Variants in TTN observed in about 807,000 individuals in gnomAD.
TTN encodes connectin.
A neutral mutation model predicts 3,223.0 loss-of-function variants in TTN; 1,525 were observed. The observed-to-expected ratio is 0.47, with a 90% CI of 0.45 to 0.49. The LOEUF is 0.49. TTN is among the 20% of genes least tolerant of loss of function. The pLI, the probability that TTN is intolerant of heterozygous loss-of-function variation, is 0.00. For missense variants in TTN, 40,786 were observed against 43,424.0 expected (o/e 0.94, Z 5.40); for synonymous variants, 14,094 against 15,161.0 (o/e 0.93, Z 5.17).
At chr2:178,735,099 A>C in intron 50 of TTN, 111 bp from the exon 51 acceptor site, 16 of 1,230,462 alleles carry the variant, frequency 1.3e-5, no homozygotes, top group Non-Finnish European at 1.7e-5. Context: ...AAATATCTCC[A>C]CAAAATTTCT....
rs767722495 is a variant in TTN, at chr2:178,559,349, C to T, written c.86783G>A (p.Gly28928Asp). Residue 28928 changes from glycine to aspartate, a missense_variant, in exon 326 of 363, where the codon GGT becomes GAT. Gly to Asp is a moderately conservative substitution (Grantham distance 94, BLOSUM62 -1). Transcript: ENST00000589042. Reference protein sequence around the residue: ...RVSGENEFGVGIPAETKEGVK... With the variant: ...RVSGENEFGVDIPAETKEGVK... ...TCCTTCCTTTGTTTCAGCTGGTATA[C>T]CAACACCAAACTCATTTTCTCCAGA... The T allele has an allele frequency of 4.3e-6, 7 of 1,611,268 alleles. No homozygotes were observed. The highest frequency in any genetic ancestry group is 5.9e-6 in the Non-Finnish European group (7 of 1,178,232).
intron 288 of TTN, 64 bp downstream of exon 288, chr2:178,600,790 A>C (rs1245950271): frequency 2.5e-6 from 4 of 1,587,622 alleles, no homozygotes; most frequent in Non-Finnish European, 3.5e-6. Flanking sequence ...ATTGTGAACT[A>C]TTATTGAACA....
intron 109 of TTN, 62 bp downstream of exon 109, chr2:178,701,978 T>A: frequency 3.3e-6 from 5 of 1,537,242 alleles, no homozygotes; most frequent in Non-Finnish European, 4.4e-6. Flanking sequence ...TTGGCTTCTG[T>A]GATTTACAAA....
intron 236 of TTN, 92 bp downstream of exon 236, chr2:178,632,055 T>G: frequency 1.0e-5 from 14 of 1,370,866 alleles, no homozygotes; most frequent in Non-Finnish European, 1.3e-5. Context: ...TTTCATGCAA[T>G]ATAACACTTA....
In TTN at chr2:178,635,718, A is replaced by G. The variant is rs1189317853; in HGVS notation, c.41609-3T>C. The stretch of plus-strand genomic sequence containing the variant: ...CACCAGCCAATCTCTAATGACTTCT[A>G]TATGAAAATAAGATCAGAAAAAATG... On this transcript the variant is annotated splice_region_variant and splice_polypyrimidine_tract_variant and intron_variant, in intron 226 of 362. Transcript: ENST00000589042. 2 of 1,589,770 alleles carry G rather than the reference A, an allele frequency of 1.3e-6. No homozygotes were observed. Among genetic ancestry groups the G allele is most frequent in the South Asian group, 1.2e-5 (1 of 86,506 alleles).
At position 178,723,908 on chromosome 2, in the gene TTN, C is replaced by T. The variant is rs757641301; in HGVS notation, c.21351G>A (p.Val7117=). 6.2e-7 allele frequency: 1 copy of T among 1,613,404 alleles called. No homozygotes were observed. The highest frequency in any genetic ancestry group is 1.7e-4 in the Middle Eastern group (1 of 6,048). ...CATCAGACCCAGCGACATTAGCAGC[C>T]ACGCATGTGTAATTGCCCATATCTG... The part of the protein sequence containing the change: ...DSSDMGNYTC[V]AANVAGSDEC... The change falls in exon 73 of 363, where the codon GTG becomes GTA. Residue 7117 remains valine, a synonymous_variant. Coordinates refer to ENST00000589042, the MANE Select transcript of TTN (RefSeq NM_001267550.2).
chr2:178,791,967 A>C, intron 10 of TTN, 105 bp downstream of exon 10: 2 of 1,273,808 alleles, frequency 1.6e-6, no homozygotes, highest in South Asian at 2.7e-5. Flanking sequence ...AAAAATATAC[A>C]ACCAAAGACT....
At position 178,543,517 on chromosome 2, in the gene TTN, G is replaced by C; in HGVS notation, c.96456C>G (p.Phe32152Leu). The change falls in exon 347 of 363, where the codon TTC becomes TTG. Residue 32152 changes from phenylalanine (F) to leucine (L), a missense_variant. By Grantham distance (22) the Phe-to-Leu change is conservative. Coordinates refer to ENST00000589042, the MANE Select transcript of TTN (RefSeq NM_001267550.2). ...TGCTGCATTTGGTAGTTACTGTTTT[G>C]AATGCTCTCATAGCAGCTTCACGCT... is the stretch of plus-strand genomic sequence containing the variant. The part of the protein sequence containing the change: ...VEKREAAMRA[F>L]KTVTTKCSKT... The C allele has an allele frequency of 6.2e-7, 1 of 1,613,442 alleles. No homozygotes were observed. Among genetic ancestry groups the C allele is most frequent in the Non-Finnish European group, 8.5e-7 (1 of 1,179,714 alleles).
In TTN at chr2:178,790,845, T is replaced by C. The variant is rs2093450030; in HGVS notation, c.1663A>G (p.Ile555Val). 2 of 1,614,084 alleles carry C rather than the reference T, an allele frequency of 1.2e-6. No individual in the cohort carries two copies. The highest frequency in any genetic ancestry group is 1.7e-6 in the Non-Finnish European group (2 of 1,179,974). Residue 555 changes from isoleucine (I) to valine (V), a missense_variant and splice_region_variant, in exon 11 of 363, where the codon ATA becomes GTA. Transcript: ENST00000589042. The stretch of plus-strand genomic sequence containing the variant: ...GCAGTTATCTCAGTTTCCTGTCTTA[T>C]CTGATGTTTAGAGTAAAATAAAGAT... ...KKQKQVTQEAIRQETEITAAS... is the reference protein window; with the variant it reads ...KKQKQVTQEAVRQETEITAAS...
intron 278 of TTN, among the ~76,000 whole-genome samples, chr2:178,606,706 C>G (rs1017210700): frequency 6.6e-6 from 1 of 151,800 alleles, no homozygotes; most frequent in Non-Finnish European, 1.5e-5. Context: ...TTTAAAAACC[C>G]GACTTCCAAT....
chr2:178,611,519 A>G lies in TTN; in HGVS notation c.50710T>C (p.Ser16904Pro). ...AATTTCAAGTCCTTTATTGGGCGAGAATTAACTCTCATCCATTTCTCAGTG... is the reference window on the plus strand; with the variant it reads ...AATTTCAAGTCCTTTATTGGGCGAGGATTAACTCTCATCCATTTCTCAGTG... ...VGTEKWMRVN[S>P]RPIKDLKFKV... The change falls in exon 269 of 363, where the codon TCT becomes CCT. Residue 16904 changes from serine (S) to proline (P), a missense_variant. Physicochemically the swap from Ser to Pro is moderately conservative, Grantham distance 74. Transcript: ENST00000589042. The G allele has an allele frequency of 6.2e-7, 1 of 1,612,948 alleles. No homozygotes were observed. Among genetic ancestry groups the G allele is most frequent in the Non-Finnish European group, 8.5e-7 (1 of 1,179,284 alleles).
In TTN at chr2:178,613,264, G is replaced by A; in HGVS notation, c.49545C>T (p.Leu16515=). 6.2e-7 allele frequency: 1 copy of A among 1,609,344 alleles called. No individual in the cohort carries two copies. The highest frequency in any genetic ancestry group is 8.5e-7 in the Non-Finnish European group (1 of 1,178,060). ...VKDTTYRVKG[L]TNKKKYRFRV... ...GGAATCTGTATTTTTTCTTATTAGT[G>A]AGACCTTTCACTCTGAATTAGGAAC... is the stretch of plus-strand genomic sequence containing the variant. The change falls in exon 264 of 363, where the codon CTC becomes CTT. Residue 16515 remains leucine (L), a synonymous_variant. Transcript: ENST00000589042.
chr2:178,548,257 A>G lies in TTN; in HGVS notation c.93369T>C (p.Val31123=). 6.2e-7 allele frequency: 1 copy of G among 1,613,856 alleles called. No individual in the cohort carries two copies. Among genetic ancestry groups the G allele is most frequent in the South Asian group, 1.1e-5 (1 of 91,084 alleles). The change falls in exon 339 of 363, where the codon GTT becomes GTC. Residue 31123 remains valine, a synonymous_variant. Transcript: ENST00000589042. This position sits in a 1 kb window ranked among gnomAD's most constrained non-coding sequence, Gnocchi z 4.3. ...AGACTGCGGAGGATTTGCTAGTATC[A>G]ACAACATCAAGTCTCCTAGGTGGAG... ...QPAPPRRLDV[V]DTSKSSAVLA...
rs1368545675 is a variant in TTN, at chr2:178,718,253, A to G, written c.24785-32T>C. 3 of 1,592,346 alleles carry G rather than the reference A, an allele frequency of 1.9e-6. No homozygotes were observed. In the Admixed American group the frequency reaches 5.1e-5, roughly 27 times the overall value. ...TACAAAGGATGGTAGTCAGCAAGTC[A>G]GTCATGCCATGTAAAAGAGGATGTT... On this transcript the variant is annotated intron_variant, in intron 85 of 362. Transcript: ENST00000589042.
rs534567766 is a variant in TTN, at chr2:178,577,664, G to A, written c.68762C>T (p.Thr22921Ile). The change falls in exon 323 of 363, where the codon ACA becomes ATA. Residue 22921 changes from threonine to isoleucine, a missense_variant. Physicochemically the swap from Thr to Ile is moderately conservative, Grantham distance 89. Coordinates refer to ENST00000589042, the MANE Select transcript of TTN (RefSeq NM_001267550.2). ...TGATGGAGCACTGATAGCACCTGCT[G>A]TATTCTTTGCTCTAATTCTGAATTC... is the stretch of plus-strand genomic sequence containing the variant. ...KYEFRIRAKN[T>I]AGAISAPSES... is the part of the protein sequence containing the mutation. The A allele has an allele frequency of 9.7e-5, 157 of 1,613,224 alleles. 1 individual carries two copies. In the South Asian group the frequency reaches 1.6e-3, roughly 16 times the overall value.
At position 178,526,953 on chromosome 2, in the gene TTN, C is replaced by G. The variant is rs72629795; in HGVS notation, c.*59G>C. ...TATTTACAGTTCAGAAAGATTAGTC[C>G]GTGTGAAACGTTTGCGAAAAGTTAA... On this transcript the variant is annotated 3_prime_UTR_variant, in exon 363 of 363. Coordinates refer to ENST00000589042, the MANE Select transcript of TTN (RefSeq NM_001267550.2). 7.1e-7 allele frequency: 1 copy of G among 1,404,220 alleles called. No homozygotes were observed. The highest frequency in any genetic ancestry group is 9.5e-7 in the Non-Finnish European group (1 of 1,054,788). 87.0% of individuals were successfully genotyped at this position (1,404,220 alleles called of 1,614,324 possible).
rs1458416906 is a variant in TTN, at chr2:178,725,834, C to T, written c.20488G>A (p.Glu6830Lys). ...ILNVDTSDIG[E>K]YHCKAQNEVG... ...TCATTCTGTGCTTTGCAGTGGTATT[C>T]ACCGATGTCTGAAGTGTCCACATTG... Residue 6830 changes from glutamate (E) to lysine (K), a missense_variant, in exon 70 of 363, where the codon GAA (glutamate) becomes AAA (lysine). Transcript: ENST00000589042. 6.2e-7 allele frequency: 1 copy of T among 1,613,004 alleles called. No homozygotes were observed. Among genetic ancestry groups the T allele is most frequent in the Non-Finnish European group, 8.5e-7 (1 of 1,179,420 alleles).
At position 178,534,493 on chromosome 2, in the gene TTN, T is replaced by C. The variant is rs1255397275; in HGVS notation, c.102122A>G (p.Glu34041Gly). The C allele has an allele frequency of 3.7e-6, 6 of 1,613,752 alleles. No homozygotes were observed. In the South Asian group the frequency reaches 4.4e-5, roughly 12 times the overall value. Residue 34041 changes from glutamate (E) to glycine (G), a missense_variant, in exon 358 of 363, where the codon GAG becomes GGG. Physicochemically the swap from Glu to Gly is moderately conservative, Grantham distance 98. Coordinates refer to ENST00000589042, the MANE Select transcript of TTN (RefSeq NM_001267550.2). ...AAAATCCATGGCTTCAATGCTAATC[T>C]CTTTGAATGCTTCCTCATCGAAAGT... ...EYTFDEEAFK[E>G]ISIEAMDFVD...
Position 178,721,957 on chromosome 2 carries a change from G to A in TTN, c.22706C>T (p.Thr7569Ile), listed in dbSNP as rs1198203479. The change falls in exon 78 of 363, where the codon ACT becomes ATT. Residue 7569 changes from threonine (T) to isoleucine (I), a missense_variant. Transcript: ENST00000589042. ...TACTTTAAGAATTCTCAAATGAGGA[G>A]TGTTTCCCACACATGTGATTGTATA... ...GNYTITCVGN[T>I]PHLRILKVGK... 6.2e-7 allele frequency: 1 copy of A among 1,613,446 alleles called. No individual in the cohort carries two copies. Among genetic ancestry groups the A allele is most frequent in the Admixed American group, 1.7e-5 (1 of 59,982 alleles).
Sources: allele counts gnomAD v4.1 joint callset (sites outside exome capture counted in the v4.1 genomes callset), GRCh38; gene constraint gnomAD v4.1.1; non-coding constraint Gnocchi (gnomAD v3.1); transcripts MANE v1.5; gene names NCBI Gene and HGNC (gene_info 2026-07-23, HGNC 2026-07-21).